The following EPC1 variants were observed in gnomAD, a reference collection of about 807,000 sequenced individuals.
The protein encoded by EPC1 is enhancer of polycomb 1, also known as enhancer of polycomb homolog 1.
EPC1 carries 12 observed loss-of-function variants against 98.4 expected under a neutral mutation model. The observed-to-expected ratio is 0.12, with a 90% confidence interval of 0.08 to 0.20. EPC1 has a LOEUF of 0.20. Ranked by LOEUF, EPC1 falls within the 10% of genes least tolerant of loss-of-function variation. The pLI is 1.00. For missense variants in EPC1, 729 were observed against 990.5 expected, an observed-to-expected ratio of 0.74 and a Z score of 3.54; for synonymous variants, 357 against 363.9, an observed-to-expected ratio of 0.98 and a Z score of 0.21.
rs148057659 is a variant in EPC1 at position 32,300,662 on chromosome 10, G to A, written c.313+5110C>T. On this transcript the variant is annotated intron_variant, in intron 2 of 13. Coordinates refer to ENST00000319778, the MANE Select transcript of EPC1 (RefSeq NM_001272004.3). ...TTGGCCAGGCTGGTCTCGAACTCCCGACCCCAGGTGATCTGCCTGCCTCGG... is the reference window on the plus strand; with the variant it reads ...TTGGCCAGGCTGGTCTCGAACTCCCAACCCCAGGTGATCTGCCTGCCTCGG... 8.0e-3 allele frequency among the ~76,000 whole-genome samples: 1,208 copies of A among 151,762 alleles called. 13 individuals carry two copies. The highest frequency in any genetic ancestry group is 0.028 in the African/African-American group (1,154 of 41,378).
At chr10:32,320,139 A>G (rs1182446664) in intron 1 of EPC1, among the ~76,000 whole-genome samples, 1 of 151,380 alleles carries the variant, frequency 6.6e-6, no homozygotes, top group Non-Finnish European at 1.5e-5. Context: ...TGTACTTACT[A>G]CTCCCCTTCT....
At chr10:32,310,327 TTTA>T (rs1191363758) in intron 1 of EPC1, among the ~76,000 whole-genome samples, 1 of 152,202 alleles carries the variant, frequency 6.6e-6, no homozygotes, top group Non-Finnish European at 1.5e-5. Flanking sequence ...CAGCAAGAGT[TTTA>T]TTATTTGTAA....
At position 32,290,483 on chromosome 10, in the gene EPC1, CAAAAAAAAAAAA is replaced by C. The variant is rs57193296; in HGVS notation, c.975+668_975+679del. On this transcript the variant is annotated intron_variant, in intron 6 of 13. Coordinates refer to ENST00000319778, the MANE Select transcript of EPC1 (RefSeq NM_001272004.3). ...CCCGGGTGACAGAGCAAGACTCTGT[CAAAAAAAAAAAA>C]AAAAAAAAAAAAAGAAAGAAAGAAA... Among the ~76,000 whole-genome samples the C allele has an allele frequency of 2.7e-4, 11 of 40,160 alleles. No homozygotes were observed. The East Asian group carries it at 7.2e-3, about 26-fold the overall frequency. The allele number at this position is 40,160 out of a possible 152,430, so 26.3% of individuals were successfully genotyped here.
intron 10 of EPC1, among the ~76,000 whole-genome samples, chr10:32,278,663 A>C (rs548264556): frequency 6.6e-6 from 1 of 152,156 alleles, no homozygotes; most frequent in African/African-American, 2.4e-5. Flanking sequence ...CCAAATGCCT[A>C]AAGACCCTGA....
rs1292123295 is a variant in EPC1, at chr10:32,291,160, C to T, written c.975+3G>A. The stretch of plus-strand genomic sequence containing the variant: ...ATACTATTATCACAAAAACATTAAT[C>T]ACCTTATTAACTTTGAACTCCTTCA... On this transcript the variant is annotated splice_donor_region_variant and intron_variant, in intron 6 of 13. Coordinates refer to ENST00000319778, the MANE Select transcript of EPC1 (RefSeq NM_001272004.3). 6.2e-7 allele frequency: 1 copy of T among 1,610,030 alleles called. No individual in the cohort carries two copies. Among genetic ancestry groups the T allele is most frequent in the Non-Finnish European group, 8.5e-7 (1 of 1,176,970 alleles).
upstream of EPC1, among the ~76,000 whole-genome samples, chr10:32,347,679 CG>C (rs112730757): frequency 0.034 from 5,192 of 152,222 alleles, 283 homozygotes; most frequent in African/African-American, 0.12. Context: ...CCGTCTGCCG[CG>C]GGGGGCGAAC....
intron 1 of EPC1, among the ~76,000 whole-genome samples, chr10:32,313,124 T>A (rs1303572876): frequency 2.6e-5 from 4 of 152,122 alleles, no homozygotes; most frequent in Non-Finnish European, 2.9e-5. Context: ...TAAACTGTAG[T>A]TCTTAAAGGA....
At chr10:32,296,767 C>T (rs560806554) in intron 2 of EPC1, among the ~76,000 whole-genome samples, 3 of 152,080 alleles carry the variant, frequency 2.0e-5, no homozygotes, top group East Asian at 1.9e-4. Flanking sequence ...TTTAGCTGGG[C>T]GTGGTGGCGG....
In EPC1 at chr10:32,271,629, G is replaced by A; in HGVS notation, c.2294C>T (p.Ala765Val). The A allele has an allele frequency of 6.2e-7, 1 of 1,614,146 alleles. No individual in the cohort carries two copies. The highest frequency in any genetic ancestry group is 1.1e-5 in the South Asian group (1 of 91,086). ...PRTLSAVPSSALKLAAAANCQ... is the reference protein window; with the variant it reads ...PRTLSAVPSSVLKLAAAANCQ... ...GTTTGCTGCAGCGGCCAGCTTTAAGGCAGATGATGGAACAGCACTTAAAGT... is the reference window on the plus strand; with the variant it reads ...GTTTGCTGCAGCGGCCAGCTTTAAGACAGATGATGGAACAGCACTTAAAGT... Residue 765 changes from alanine (A) to valine (V), a missense_variant, in exon 13 of 14, where the codon GCC becomes GTC. Ala to Val is a moderately conservative substitution (Grantham distance 64). Transcript: ENST00000319778.
At chr10:32,300,723 C>T (rs114129955) in intron 2 of EPC1, among the ~76,000 whole-genome samples, 14 of 152,060 alleles carry the variant, frequency 9.2e-5, no homozygotes, top group East Asian at 1.9e-4. Flanking sequence ...TGTGAGCCAC[C>T]GCGTCCCGCC....
chr10:32,355,571 C>CA (rs1356842892), intron 1 of EPC1, among the ~76,000 whole-genome samples: 1 of 129,592 alleles, frequency 7.7e-6, no homozygotes, highest in African/African-American at 2.8e-5. Context: ...GGTAGAAAGA[C>CA]AAAAACAAAG....
rs1834908774 is a variant in EPC1, at chr10:32,292,489, A to G, written c.815+7T>C. 6.4e-7 allele frequency: 1 copy of G among 1,552,442 alleles called. No homozygotes were observed. The highest frequency in any genetic ancestry group is 1.4e-5 in the African/African-American group (1 of 72,098). ...ACTTCCTCTAACATTATTAAAATAT[A>G]CATTACCTCTTTTCCATAATTTCCA... On this transcript the variant is annotated splice_region_variant and intron_variant, in intron 5 of 13. Transcript: ENST00000319778.
chr10:32,375,062 C>T (rs1324060493), intron 1 of EPC1, among the ~76,000 whole-genome samples: 1 of 151,920 alleles, frequency 6.6e-6, no homozygotes, highest in Non-Finnish European at 1.5e-5. Flanking sequence ...TATCATTTTC[C>T]TCTTGTTTTC....
intron 1 of EPC1, among the ~76,000 whole-genome samples, chr10:32,363,954 CAGAGAA>C (rs1331519819): frequency 7.5e-6 from 1 of 133,952 alleles, no homozygotes; most frequent in African/African-American, 2.8e-5. Context: ...ATTTTATGTA[CAGAGAA>C]AAAGTCTAAT....
intron 1 of EPC1, among the ~76,000 whole-genome samples, chr10:32,355,648 A>G (rs889144579): frequency 4.4e-5 from 5 of 114,858 alleles, no homozygotes; most frequent in African/African-American, 1.4e-4. Flanking sequence ...TTTTTGGGAC[A>G]GAGTTGACCA....
At chr10:32,317,942 G>T (rs1564543761) in intron 1 of EPC1, among the ~76,000 whole-genome samples, 3 of 152,240 alleles carry the variant, frequency 2.0e-5, no homozygotes, top group South Asian at 2.1e-4. Context: ...AAAATCAACA[G>T]GATGTAAAGT....
chr10:32,321,185 A>G (rs1836888838), intron 1 of EPC1, among the ~76,000 whole-genome samples: 1 of 152,152 alleles, frequency 6.6e-6, no homozygotes, highest in Non-Finnish European at 1.5e-5. Flanking sequence ...AAATAATTAT[A>G]TTGGAACATA....
chr10:32,361,071 A>G (rs953776439), intron 1 of EPC1, among the ~76,000 whole-genome samples: 3 of 152,214 alleles, frequency 2.0e-5, no homozygotes, highest in Admixed American at 1.3e-4. Flanking sequence ...AGCCATCCTC[A>G]CTTTGGCTTA....
chr10:32,313,062 G>C (rs138476459), intron 1 of EPC1, among the ~76,000 whole-genome samples: 13 of 151,428 alleles, frequency 8.6e-5, no homozygotes, highest in Middle Eastern at 3.4e-3. Flanking sequence ...CAGAAGGCTG[G>C]GTTTGAAACT....
Sources: gnomAD v4.1 joint callset for allele counts (sites outside exome capture counted in the v4.1 genomes callset) on GRCh38, gnomAD v4.1.1 for gene constraint, MANE v1.5 for transcripts, NCBI Gene and HGNC (gene_info 2026-07-23, HGNC 2026-07-21) for gene names.